PKNOX2: variants seen among roughly 807,000 people sequenced by gnomAD.
PKNOX2 encodes the protein homeobox protein PKNOX2.
PKNOX2 carries 14 observed loss-of-function variants against 53.1 expected under a neutral mutation model. The observed-to-expected ratio is 0.26, with a 90% CI of 0.17 to 0.41. PKNOX2 has a LOEUF of 0.41. Among genes scored for constraint, PKNOX2 ranks in the 10% least tolerant of loss-of-function variants. PKNOX2 has a pLI of 1.00. For synonymous variants in PKNOX2, 257 were observed against 242.8 expected (o/e 1.06, Z -0.54); for missense variants, 496 against 602.8 (o/e 0.82, Z 1.85).
At chr11:125,236,359 C>T (rs1214943484) in intron 2 of PKNOX2, among the ~76,000 whole-genome samples, 4 of 135,284 alleles carry the variant, frequency 3.0e-5, no homozygotes, top group Non-Finnish European at 3.0e-5. Context: ...CCATCCTGTT[C>T]CAGGAAAGCC....
chr11:125,374,840 G>A (rs1183122202), intron 5 of PKNOX2, among the ~76,000 whole-genome samples: 1 of 150,304 alleles, frequency 6.7e-6, no homozygotes, highest in Non-Finnish European at 1.5e-5. Flanking sequence ...TTGGTGAATG[G>A]TATCTACATT....
At chr11:125,230,190 C>T (rs1942086283) in intron 1 of PKNOX2, among the ~76,000 whole-genome samples, 1 of 152,210 alleles carries the variant, frequency 6.6e-6, no homozygotes, top group African/African-American at 2.4e-5. Context: ...GCCCAGTGGG[C>T]TTTGAGGAAG....
intron 6 of PKNOX2, among the ~76,000 whole-genome samples, chr11:125,391,330 C>T (rs759667856): frequency 3.9e-5 from 6 of 152,028 alleles, no homozygotes; most frequent in African/African-American, 7.3e-5. Flanking sequence ...TGTATACAAA[C>T]GTTTTGAAAG....
intron 2 of PKNOX2, chr11:125,258,533 G>A (rs1944587741): frequency 6.5e-6 from 1 of 152,922 alleles, no homozygotes; most frequent in South Asian, 2.0e-4. Flanking sequence ...TTCTTTGCAT[G>A]CAGTATAATT....
intron 1 of PKNOX2, among the ~76,000 whole-genome samples, chr11:125,167,269 C>T (rs1954956905): frequency 6.6e-6 from 1 of 152,078 alleles, no homozygotes; most frequent in Admixed American, 6.5e-5. Context: ...TTAAACCCAC[C>T]ATCCCAGCCC....
chr11:125,237,399 A>T (rs1318945247), intron 2 of PKNOX2, among the ~76,000 whole-genome samples: 2 of 152,178 alleles, frequency 1.3e-5, no homozygotes, highest in African/African-American at 4.8e-5. Context: ...CATCTCTCCA[A>T]GGAGTATCAA....
intron 2 of PKNOX2, among the ~76,000 whole-genome samples, chr11:125,254,710 ATCCCCTGCTTGCTCTAGCCAACCTTCTTT>A (rs1944282412): frequency 1.3e-5 from 2 of 152,174 alleles, no homozygotes; most frequent in Admixed American, 6.5e-5. Flanking sequence ...GTAACATGGC[ATCCCCTGCTTGCTCTAGCCAACCTTCTTT>A]TCCTCCTGTT....
chr11:125,365,662 A>G (rs564319809), intron 4 of PKNOX2, among the ~76,000 whole-genome samples: 4 of 152,360 alleles, frequency 2.6e-5, no homozygotes, highest in Admixed American at 6.5e-5. Flanking sequence ...AGGAGGAAGC[A>G]TGAGACACTC....
At chr11:125,331,066 C>A (rs1246458749) in intron 2 of PKNOX2, among the ~76,000 whole-genome samples, 1 of 151,630 alleles carries the variant, frequency 6.6e-6, no homozygotes, top group African/African-American at 2.4e-5. Context: ...GTCCAATTAG[C>A]AACTCATCCA....
chr11:125,301,036 T>C lies in PKNOX2; in HGVS notation c.-129-30783T>C, dbSNP rs114677214. On this transcript the variant is annotated intron_variant, in intron 2 of 12. Transcript: ENST00000298282. ...CCCCTCCTCCAGGAAATGAAAGTGC[T>C]GATAATAGATGCTTATCTCAGCCCC... 3.2e-3 allele frequency among the ~76,000 whole-genome samples: 481 copies of C among 152,340 alleles called. 1 individual carries two copies. Among genetic ancestry groups the C allele is most frequent in the African/African-American group, 9.3e-3 (385 of 41,580 alleles).
intron 6 of PKNOX2, among the ~76,000 whole-genome samples, chr11:125,393,158 CAA>C (rs571335360): frequency 3.0e-4 from 21 of 70,182 alleles, no homozygotes; most frequent in Admixed American, 5.1e-4. Flanking sequence ...AGACTCGTCT[CAA>C]AAAAAAAAAA....
At chr11:125,275,682 G>A (rs1296861023) in intron 2 of PKNOX2, among the ~76,000 whole-genome samples, 3 of 152,132 alleles carry the variant, frequency 2.0e-5, no homozygotes, top group African/African-American at 7.2e-5. Context: ...CTAGATTTTT[G>A]GCACCTGAAT....
At chr11:125,368,169 G>A (rs1952296918) in intron 5 of PKNOX2, among the ~76,000 whole-genome samples, 184 bp downstream of exon 5, 1 of 152,160 alleles carries the variant, frequency 6.6e-6, no homozygotes, top group African/African-American at 2.4e-5. Context: ...AGTGACTCTA[G>A]CTTTCTGGAA....
intron 2 of PKNOX2, among the ~76,000 whole-genome samples, chr11:125,267,799 C>T (rs1219351487): frequency 6.6e-6 from 1 of 152,070 alleles, no homozygotes; most frequent in African/African-American, 2.4e-5. Context: ...GATTTATAGG[C>T]ACTTTTTGGG....
chr11:125,222,644 CGTATGTGTGTGCTGTGTATGTGTGTGT>C (rs1565472871), intron 1 of PKNOX2, among the ~76,000 whole-genome samples: 5 of 129,762 alleles, frequency 3.9e-5, no homozygotes, highest in African/African-American at 9.0e-5. Flanking sequence ...TATGTGTGTG[CGTATGTGTGTGCTGTGTATGTGTGTGT>C]GTATGTGTGT....
At chr11:125,346,156 T>C (rs1950957788) in intron 3 of PKNOX2, among the ~76,000 whole-genome samples, 1 of 101,356 alleles carries the variant, frequency 9.9e-6, no homozygotes, top group African/African-American at 3.9e-5. Flanking sequence ...AACCCAGGCC[T>C]GGGCAGCTGC....
intron 5 of PKNOX2, among the ~76,000 whole-genome samples, chr11:125,372,784 C>A (rs1224673484): frequency 6.6e-6 from 1 of 152,240 alleles, no homozygotes; most frequent in Non-Finnish European, 1.5e-5. Flanking sequence ...GAGAATCTTG[C>A]ACTTTCCACA....
intron 1 of PKNOX2, among the ~76,000 whole-genome samples, chr11:125,169,688 C>T (rs983636213): frequency 6.6e-5 from 10 of 152,160 alleles, no homozygotes; most frequent in South Asian, 4.1e-4. Context: ...GCACAGGCTG[C>T]GCTCTGAGTA....
At chr11:125,313,896 C>T (rs754040907) in intron 2 of PKNOX2, among the ~76,000 whole-genome samples, 9 of 152,088 alleles carry the variant, frequency 5.9e-5, no homozygotes, top group East Asian at 1.9e-4. Context: ...TGGAAAGTGC[C>T]GGGCTAAGAT....
Sources: allele counts gnomAD v4.1 joint callset (sites outside exome capture counted in the v4.1 genomes callset), GRCh38; gene constraint gnomAD v4.1.1; transcripts MANE v1.5; gene names NCBI Gene and HGNC (gene_info 2026-07-23, HGNC 2026-07-21).